The following MAGI2 variants were observed in gnomAD, a reference collection of about 807,000 sequenced individuals.
MAGI2 encodes membrane associated guanylate kinase, WW and PDZ domain containing 2.
Under a neutral mutation model 133.3 loss-of-function variants are expected in MAGI2, and 35 were observed. The ratio of observed to expected loss-of-function variants is 0.26; its 90% CI spans 0.20 to 0.35. MAGI2 has a LOEUF of 0.35. Ranked by LOEUF, MAGI2 falls within the 10% of genes least tolerant of loss-of-function variation. The pLI, the probability that MAGI2 is intolerant of heterozygous loss-of-function variation, is 1.00. For missense variants in MAGI2, 1,636 were observed against 1,863.4 expected (o/e 0.88, Z 2.25); for synonymous variants, 729 against 710.6 (o/e 1.03, Z -0.41).
At chr7:78,673,838 G>A (rs1023829876) in intron 2 of MAGI2, among the ~76,000 whole-genome samples, 1 of 152,182 alleles carries the variant, frequency 6.6e-6, no homozygotes, top group East Asian at 1.9e-4. Context: ...GGTCAAGCTG[G>A]CATATAAAAT....
intron 1 of MAGI2, among the ~76,000 whole-genome samples, chr7:79,059,533 A>C (rs1813514799): frequency 6.6e-6 from 1 of 152,112 alleles, no homozygotes; most frequent in Admixed American, 6.6e-5. Context: ...TCTAGGAGAT[A>C]TTCCGTGCTT....
At chr7:78,917,759 T>A (rs1265313259) in intron 2 of MAGI2, among the ~76,000 whole-genome samples, 5 of 151,962 alleles carry the variant, frequency 3.3e-5, no homozygotes, top group African/African-American at 1.2e-4. Flanking sequence ...GCTCACAACC[T>A]CCTCCTCAGA....
At chr7:79,267,699 A>T (rs904821107) in intron 1 of MAGI2, among the ~76,000 whole-genome samples, 1 of 152,320 alleles carries the variant, frequency 6.6e-6, no homozygotes, top group East Asian at 1.9e-4. Context: ...AAATAAACTG[A>T]CAATAGACAG....
intron 7 of MAGI2, among the ~76,000 whole-genome samples, chr7:78,366,006 G>T (rs753637415): frequency 6.6e-6 from 1 of 152,172 alleles, no homozygotes; most frequent in Non-Finnish European, 1.5e-5. Flanking sequence ...GACCTCTTGT[G>T]TCCATGCACG....
chr7:78,407,666 T>G (rs1048187228), intron 6 of MAGI2, among the ~76,000 whole-genome samples: 8 of 120,748 alleles, frequency 6.6e-5, no homozygotes, highest in Non-Finnish European at 9.0e-5. Flanking sequence ...TTTTTTTTTT[T>G]TTTAAATTCC....
chr7:78,329,232 C>A (rs746144951), intron 9 of MAGI2, among the ~76,000 whole-genome samples: 1 of 152,166 alleles, frequency 6.6e-6, no homozygotes, highest in Non-Finnish European at 1.5e-5. Flanking sequence ...TTGATATTTG[C>A]AGACTCCAGT....
At position 78,563,194 on chromosome 7, in the gene MAGI2, A is replaced by C. The variant is rs1188864810; in HGVS notation, c.539-41549T>G. ...TAATGTCCTGCTGAGCCATCCTTGC[A>C]AGATGACAGGGCACAACTGAAAAGG... is the stretch of plus-strand genomic sequence containing the variant. On this transcript the variant is annotated intron_variant, in intron 3 of 21. Transcript: ENST00000354212. 2.0e-5 allele frequency among the ~76,000 whole-genome samples: 3 copies of C among 152,214 alleles called. No individual in the cohort carries two copies. The East Asian group carries it at 5.8e-4, about 29-fold the overall frequency.
At chr7:78,990,819 G>A (rs1017772323) in intron 2 of MAGI2, among the ~76,000 whole-genome samples, 2 of 151,280 alleles carry the variant, frequency 1.3e-5, no homozygotes, top group African/African-American at 4.9e-5. Context: ...TGAACTAAAC[G>A]TAAGTTTTCC....
At chr7:79,369,892 T>C (rs1164778095) in intron 1 of MAGI2, among the ~76,000 whole-genome samples, 1 of 152,188 alleles carries the variant, frequency 6.6e-6, no homozygotes, top group Admixed American at 6.5e-5. Context: ...TCTATTCATA[T>C]TCCCCTCTCC....
chr7:78,460,362 A>G (rs930823674), intron 6 of MAGI2, among the ~76,000 whole-genome samples: 1 of 152,226 alleles, frequency 6.6e-6, no homozygotes, highest in South Asian at 2.1e-4. Flanking sequence ...TGGTTACTAC[A>G]TTTGGTAAAA....
chr7:78,070,206 T>TACACACAC (rs1814414721), intron 21 of MAGI2, among the ~76,000 whole-genome samples: 1 of 48,294 alleles, frequency 2.1e-5, no homozygotes, highest in Non-Finnish European at 4.4e-5. Context: ...TATATATATA[T>TACACACAC]ATATATATAT....
At chr7:79,450,813 A>T (rs1849188215) in intron 1 of MAGI2, among the ~76,000 whole-genome samples, 1 of 152,158 alleles carries the variant, frequency 6.6e-6, no homozygotes, top group East Asian at 1.9e-4. Context: ...ATGGATACCC[A>T]CAATGATGGG....
At chr7:79,389,651 T>G (rs906989686) in intron 1 of MAGI2, among the ~76,000 whole-genome samples, 1 of 152,024 alleles carries the variant, frequency 6.6e-6, no homozygotes, top group Non-Finnish European at 1.5e-5. Context: ...ATCAAGATAC[T>G]TATTTCTAGC....
chr7:78,898,191 T>G (rs1797353145), intron 2 of MAGI2, among the ~76,000 whole-genome samples: 1 of 150,028 alleles, frequency 6.7e-6, no homozygotes, highest in African/African-American at 2.4e-5. Flanking sequence ...TAACAGATGC[T>G]GGTGAGGTGG....
chr7:78,933,057 G>T (rs1584433611), intron 2 of MAGI2, among the ~76,000 whole-genome samples: 1 of 152,014 alleles, frequency 6.6e-6, no homozygotes, highest in East Asian at 1.9e-4. Context: ...TTATTATGCT[G>T]ACAAAAAGGC....
chr7:78,589,943 TG>T (rs1221663666), intron 3 of MAGI2, among the ~76,000 whole-genome samples: 1 of 152,206 alleles, frequency 6.6e-6, no homozygotes, highest in Non-Finnish European at 1.5e-5. Flanking sequence ...GCAGTTTGCT[TG>T]GTTCCTTTGG....
At chr7:78,664,044 T>C (rs1813270328) in intron 2 of MAGI2, among the ~76,000 whole-genome samples, 1 of 152,176 alleles carries the variant, frequency 6.6e-6, no homozygotes, top group African/African-American at 2.4e-5. Context: ...TATTTCATAG[T>C]TTTTCAGTCT....
At chr7:78,756,284 G>A (rs1370462142) in intron 2 of MAGI2, among the ~76,000 whole-genome samples, 2 of 152,210 alleles carry the variant, frequency 1.3e-5, no homozygotes, top group African/African-American at 4.8e-5. Context: ...ATTCCCCACT[G>A]TAATTACTGC....
chr7:78,086,953 G>C (rs1263524017), intron 20 of MAGI2, among the ~76,000 whole-genome samples: 1 of 152,036 alleles, frequency 6.6e-6, no homozygotes, highest in Non-Finnish European at 1.5e-5. Context: ...CCTTTCTAAG[G>C]TATTTGGCAT....
Sources: allele counts gnomAD v4.1 joint callset (sites outside exome capture counted in the v4.1 genomes callset), GRCh38; gene constraint gnomAD v4.1.1; transcripts MANE v1.5; gene names NCBI Gene and HGNC (gene_info 2026-07-23, HGNC 2026-07-21).